LDB2: variants seen among roughly 807,000 people sequenced by gnomAD.
LDB2 encodes the protein LIM domain binding 2, also known as LIM domain-binding protein 2.
Under a neutral mutation model 44.3 loss-of-function variants are expected in LDB2, and 12 were observed. That is an observed-to-expected ratio of 0.27 (90% CI 0.17 to 0.44). The LOEUF is 0.44. Among genes scored for constraint, LDB2 ranks in the 20% least tolerant of loss-of-function variants. The pLI is 1.00. For missense variants in LDB2, 344 were observed against 473.5 expected (o/e 0.73, Z 2.54); for synonymous variants, 164 against 174.8 (o/e 0.94, Z 0.49).
intron 5 of LDB2, among the ~76,000 whole-genome samples, chr4:16,573,347 TCC>T (rs1483303900): frequency 6.6e-6 from 1 of 152,136 alleles, no homozygotes; most frequent in Non-Finnish European, 1.5e-5. Context: ...TGACACGTGC[TCC>T]TCCAGCCTTA....
At chr4:16,655,896 CTTTTTT>C (rs747097456) in intron 2 of LDB2, among the ~76,000 whole-genome samples, 2 of 93,314 alleles carry the variant, frequency 2.1e-5, no homozygotes, top group East Asian at 2.9e-4. Flanking sequence ...TGCAAGAAAA[CTTTTTT>C]TTTTTTTTTT....
At chr4:16,698,424 C>A (rs1752683458) in intron 2 of LDB2, among the ~76,000 whole-genome samples, 1 of 152,182 alleles carries the variant, frequency 6.6e-6, no homozygotes, top group Non-Finnish European at 1.5e-5. Context: ...TTTCCACACA[C>A]CTCACAGGTC....
At chr4:16,829,114 G>C (rs555104928) in intron 1 of LDB2, among the ~76,000 whole-genome samples, 85 of 152,306 alleles carry the variant, frequency 5.6e-4, no homozygotes, top group African/African-American at 1.9e-3. Flanking sequence ...ATGCTAAGCA[G>C]AGTGTTAGTA....
At chr4:16,557,232 C>T (rs1471854870) in intron 5 of LDB2, among the ~76,000 whole-genome samples, 4 of 152,140 alleles carry the variant, frequency 2.6e-5, no homozygotes, top group East Asian at 1.9e-4. Flanking sequence ...TGCAGAGCAC[C>T]GTGCGCAAGC....
intron 2 of LDB2, among the ~76,000 whole-genome samples, chr4:16,751,571 T>A (rs1765507566): frequency 6.6e-6 from 1 of 152,244 alleles, no homozygotes; most frequent in Non-Finnish European, 1.5e-5. Context: ...CTCTCAAGTA[T>A]TTTTATGACT....
chr4:16,870,531 T>C (rs1716216043), intron 1 of LDB2, among the ~76,000 whole-genome samples: 1 of 152,026 alleles, frequency 6.6e-6, no homozygotes, highest in South Asian at 2.1e-4. Context: ...CTTTACCAGG[T>C]ATAAAAGCCC....
At chr4:16,860,688 G>T (rs1164836385) in intron 1 of LDB2, among the ~76,000 whole-genome samples, 1 of 152,184 alleles carries the variant, frequency 6.6e-6, no homozygotes, top group Non-Finnish European at 1.5e-5. Context: ...ATTCTAAGAT[G>T]ATCTCATTCA....
intron 7 of LDB2, chr4:16,503,202 C>G: frequency 6.8e-7 from 1 of 1,471,644 alleles, no homozygotes; most frequent in East Asian, 2.5e-5. Flanking sequence ...ACATTGGGGA[C>G]TTTTGAGAGG....
At chr4:16,721,328 T>C (rs1012992739) in intron 2 of LDB2, among the ~76,000 whole-genome samples, 1 of 152,116 alleles carries the variant, frequency 6.6e-6, no homozygotes, top group Admixed American at 6.6e-5. Context: ...TAATCCAAAA[T>C]ATAAGGGACA....
intron 1 of LDB2, among the ~76,000 whole-genome samples, chr4:16,822,697 G>A (rs951206194): frequency 6.6e-6 from 1 of 151,884 alleles, no homozygotes; most frequent in East Asian, 1.9e-4. Context: ...TGTATTTTTA[G>A]TAGACACAGG....
chr4:16,893,166 T>C lies in LDB2; in HGVS notation c.132+5188A>G, dbSNP rs1424153026. On this transcript the variant is annotated intron_variant, in intron 1 of 7. Coordinates refer to ENST00000304523, the MANE Select transcript of LDB2 (RefSeq NM_001290.5). ...GCACTTTTGGTTTCATTTAACATTTTCAAAATAGCTTTCCTTTCCACCACC... is the reference window on the plus strand; with the variant it reads ...GCACTTTTGGTTTCATTTAACATTTCCAAAATAGCTTTCCTTTCCACCACC... 5.4e-6 allele frequency: 3 copies of C among 557,452 alleles called. No homozygotes were observed. In the African/African-American group the frequency reaches 6.1e-5, roughly 11 times the overall value. The allele number at this position is 557,452 out of a possible 1,614,324, so 34.5% of individuals were successfully genotyped here. A position where few individuals can be genotyped will look rare whatever the true frequency, so the allele number is the denominator to read the frequency against.
intron 1 of LDB2, among the ~76,000 whole-genome samples, chr4:16,829,492 T>C (rs1262599463): frequency 2.0e-5 from 3 of 152,156 alleles, no homozygotes; most frequent in African/African-American, 7.2e-5. Flanking sequence ...AAAATATATA[T>C]TAATATAAAA....
intron 1 of LDB2, among the ~76,000 whole-genome samples, chr4:16,784,355 G>A (rs1354003969): frequency 6.6e-6 from 1 of 152,168 alleles, no homozygotes; most frequent in African/African-American, 2.4e-5. Context: ...TTCCTCATCT[G>A]TAGACTGGGG....
intron 5 of LDB2, among the ~76,000 whole-genome samples, chr4:16,576,260 A>G (rs1487907595): frequency 6.6e-6 from 1 of 152,170 alleles, no homozygotes; most frequent in Admixed American, 6.5e-5. Context: ...ATGAAATTAA[A>G]ATGAAGAAAA....
At chr4:16,660,699 G>A (rs77645754) in intron 2 of LDB2, among the ~76,000 whole-genome samples, 1 of 152,128 alleles carries the variant, frequency 6.6e-6, no homozygotes, top group Non-Finnish European at 1.5e-5. Context: ...CTGCTGTACA[G>A]AACAAGAGAA....
At chr4:16,814,539 CT>C (rs1780556109) in intron 1 of LDB2, among the ~76,000 whole-genome samples, 1 of 150,514 alleles carries the variant, frequency 6.6e-6, no homozygotes, top group Admixed American at 6.6e-5. Context: ...TGAGCAACCC[CT>C]GTAATCCTCC....
chr4:16,647,091 A>G (rs1341409071), intron 2 of LDB2, among the ~76,000 whole-genome samples: 3 of 152,210 alleles, frequency 2.0e-5, no homozygotes, highest in Non-Finnish European at 4.4e-5. Context: ...GTTAAACGAA[A>G]TTTGTCACAT....
In LDB2 at chr4:16,502,614, A is replaced by C; in HGVS notation, c.*29T>G. ...AATTGTAATGATCACCCACGGGCCT[A>C]TTGACAGTGGATTCTGGTGCCGATC... On this transcript the variant is annotated 3_prime_UTR_variant, in exon 8 of 8. Transcript: ENST00000304523. The C allele has an allele frequency of 6.2e-7, 1 of 1,611,142 alleles. No homozygotes were observed. The highest frequency in any genetic ancestry group is 8.5e-7 in the Non-Finnish European group (1 of 1,177,452).
intron 2 of LDB2, among the ~76,000 whole-genome samples, chr4:16,744,540 T>C (rs1424549006): frequency 6.6e-6 from 1 of 151,816 alleles, no homozygotes; most frequent in Non-Finnish European, 1.5e-5. Flanking sequence ...AGTGGCTTGA[T>C]CTCAGCTGAC....
Sources: allele counts gnomAD v4.1 joint callset (sites outside exome capture counted in the v4.1 genomes callset), GRCh38; gene constraint gnomAD v4.1.1; transcripts MANE v1.5; gene names NCBI Gene and HGNC (gene_info 2026-07-23, HGNC 2026-07-21).